Variants in CIITA observed in about 807,000 individuals in gnomAD.
CIITA encodes class II major histocompatibility complex transactivator, also known as MHC class II transactivator.
In CIITA, 72 loss-of-function variants were observed where a neutral mutation model predicts 115.1. That is an observed-to-expected ratio of 0.63 (90% CI 0.52 to 0.76). The LOEUF is 0.76. Ranked by LOEUF, CIITA falls within the 30% of genes least tolerant of loss-of-function variation. The pLI, the probability that CIITA is intolerant of heterozygous loss-of-function variation, is 0.00. For synonymous variants in CIITA, 763 were observed against 635.6 expected, an observed-to-expected ratio of 1.20 and a Z score of -3.02; for missense variants, 1,617 against 1,463.8, an observed-to-expected ratio of 1.10 and a Z score of -1.71.
At position 10,929,572 on chromosome 16, in the gene CIITA, A is replaced by G. The variant is rs1326363939; in HGVS notation, c.*5717A>G. 2 of 985,152 alleles carry G rather than the reference A, an allele frequency of 2.0e-6. No homozygotes were observed. The highest frequency in any genetic ancestry group is 6.2e-5 in the Admixed American group (1 of 16,228). The allele number at this position is 985,152 out of a possible 1,614,324, so 61.0% of individuals were successfully genotyped here. A position where few individuals can be genotyped will look rare whatever the true frequency, so the allele number is the denominator to read the frequency against. On this transcript the variant is annotated 3_prime_UTR_variant, in exon 20 of 20. Transcript: ENST00000324288. This position sits in a 1 kb window ranked among gnomAD's most constrained non-coding sequence, Gnocchi z 4.3. Reference sequence around the variant, plus strand: ...GAGGGGAGCAGGTCTAACAAGAAGGAAAAAGGGGGGTTATTAGCACGGAAG... The same window carrying G: ...GAGGGGAGCAGGTCTAACAAGAAGGGAAAAGGGGGGTTATTAGCACGGAAG...
At chr16:10,902,923 TC>T in intron 8 of CIITA, 122 bp downstream of exon 8, 1 of 1,176,952 alleles carries the variant, frequency 8.5e-7, no homozygotes, top group Non-Finnish European at 1.2e-6. Flanking sequence ...TGATCCTCCC[TC>T]CCCAGCACAA....
chr16:10,916,802 G>A (rs6498133), intron 15 of CIITA: 405,452 of 409,420 alleles, frequency 0.99, 200,911 homozygotes, highest in East Asian at 1. Context: ...TCATCCAACC[G>A]CTCACTCAAT....
At chr16:10,891,512 T>C (rs990834452) in intron 1 of CIITA, among the ~76,000 whole-genome samples, 11 of 152,348 alleles carry the variant, frequency 7.2e-5, no homozygotes, top group Admixed American at 2.0e-4. Context: ...TTTATAGATA[T>C]GGCCCAAAGT....
At position 10,901,177 on chromosome 16, in the gene CIITA, T is replaced by C. The variant is rs1208238123; in HGVS notation, c.437-337T>C. 6.6e-6 allele frequency among the ~76,000 whole-genome samples: 1 copy of C among 152,224 alleles called. No homozygotes were observed. The highest frequency in any genetic ancestry group is 1.5e-5 in the Non-Finnish European group (1 of 68,040). On this transcript the variant is annotated intron_variant, in intron 5 of 19. Transcript: ENST00000324288. This position sits in a 1 kb window ranked among gnomAD's most constrained non-coding sequence, Gnocchi z 6.8. ...ATTTCATAGATGTGAGATCAAAGGT[T>C]CAGAGAAGCTGCATTGCAAAGGCAC... is the stretch of plus-strand genomic sequence containing the variant.
intron 13 of CIITA, among the ~76,000 whole-genome samples, chr16:10,914,678 A>G (rs957984072): frequency 1.3e-5 from 2 of 152,136 alleles, no homozygotes; most frequent in African/African-American, 4.8e-5. Context: ...AGGCTGTGTG[A>G]CCCTGTGTGA....
Position 10,935,864 on chromosome 16 carries a change from G to C in CIITA, c.*12009G>C, listed in dbSNP as rs2081075079. 1 of 152,212 alleles carries C rather than the reference G, an allele frequency of 6.6e-6. No homozygotes were observed. The highest frequency in any genetic ancestry group is 2.4e-5 in the African/African-American group (1 of 41,450). 9.4% of individuals were successfully genotyped at this position (152,212 alleles called of 1,614,324 possible). A position where few individuals can be genotyped will look rare whatever the true frequency, so the allele number is the denominator to read the frequency against. ...CTTAATATGTCAATGTCACAAGAGA[G>C]AAAGACAGACTGAAGAGCTGATCCA... On this transcript the variant is annotated 3_prime_UTR_variant, in exon 20 of 20. Transcript: ENST00000324288.
intron 15 of CIITA, chr16:10,916,741 C>A: frequency 2.0e-6 from 1 of 489,456 alleles, no homozygotes; most frequent in Non-Finnish European, 3.8e-6. Flanking sequence ...GCCATTCATC[C>A]TTCCATTCAA....
intron 14 of CIITA, among the ~76,000 whole-genome samples, 157 bp from the exon 15 acceptor site, chr16:10,916,210 G>T (rs189880076): frequency 6.6e-6 from 1 of 152,158 alleles, no homozygotes; most frequent in Admixed American, 6.5e-5. Flanking sequence ...TGAAGTCCTC[G>T]TCTGAAAAGC....
At chr16:10,903,165 TCA>T (rs1444728901) in intron 8 of CIITA, among the ~76,000 whole-genome samples, 4 of 152,250 alleles carry the variant, frequency 2.6e-5, no homozygotes, top group African/African-American at 9.6e-5. Flanking sequence ...ACTGTCTCTC[TCA>T]CTCTTTTAGT....
rs1357396457 is a variant in CIITA at position 10,920,768 on chromosome 16, G to A, written c.3150-1399G>A. Reference sequence around the variant, plus strand: ...GGAGGAAGGGTCTCCAGGGTTCAGAGATTGCAAAACCCCCATCTAGTTTCT... The same window carrying A: ...GGAGGAAGGGTCTCCAGGGTTCAGAAATTGCAAAACCCCCATCTAGTTTCT... On this transcript the variant is annotated intron_variant, in intron 16 of 19. Coordinates refer to ENST00000324288, the MANE Select transcript of CIITA (RefSeq NM_000246.4). The surrounding 1 kb of genome is among the most constrained non-coding windows in gnomAD (Gnocchi z 4.5). 1.3e-5 allele frequency among the ~76,000 whole-genome samples: 2 copies of A among 152,222 alleles called. No individual in the cohort carries two copies. The highest frequency in any genetic ancestry group is 2.9e-5 in the Non-Finnish European group (2 of 68,042).
At chr16:10,904,937 A>G (rs2039036750) in intron 10 of CIITA, 125 bp downstream of exon 10, 2 of 830,176 alleles carry the variant, frequency 2.4e-6, no homozygotes, top group African/African-American at 1.9e-5. Context: ...TCATTTATTT[A>G]TTCATTCATT....
chr16:10,873,462 ATAGT>A (rs1567350106), upstream of CIITA, among the ~76,000 whole-genome samples: 1 of 152,236 alleles, frequency 6.6e-6, no homozygotes, highest in Non-Finnish European at 1.5e-5. Context: ...CAAGAAAATT[ATAGT>A]TAGCTGGAAG....
intron 1 of CIITA, among the ~76,000 whole-genome samples, chr16:10,885,040 A>G (rs1429127416): frequency 6.6e-6 from 1 of 152,082 alleles, no homozygotes; most frequent in Non-Finnish European, 1.5e-5. Context: ...ATAATGATGT[A>G]AAATGTGTCC....
chr16:10,916,577 G>C (rs979066924), intron 15 of CIITA, 118 bp downstream of exon 15: 3 of 853,428 alleles, frequency 3.5e-6, no homozygotes, highest in Admixed American at 4.0e-5. Context: ...ACCCAGGCTA[G>C]AATATAGTGC....
chr16:10,904,415 T>G (rs1445223837), intron 9 of CIITA, among the ~76,000 whole-genome samples: 2 of 152,078 alleles, frequency 1.3e-5, no homozygotes, highest in East Asian at 3.9e-4. Flanking sequence ...AGAGACAAGT[T>G]TAACCATGTT....
intron 13 of CIITA, among the ~76,000 whole-genome samples, chr16:10,914,763 G>A (rs1414860872): frequency 6.6e-6 from 1 of 152,188 alleles, no homozygotes; most frequent in African/African-American, 2.4e-5. Context: ...AGAGTCTTGA[G>A]GAGTAAATGA....
At chr16:10,869,815 C>T (rs1185022195) in intron 1 of CIITA, among the ~76,000 whole-genome samples, 1 of 152,124 alleles carries the variant, frequency 6.6e-6, no homozygotes, top group Non-Finnish European at 1.5e-5. Context: ...GGCTCCCCAC[C>T]TTCTGTATAT....
chr16:10,886,057 C>CT (rs71133402), intron 1 of CIITA, among the ~76,000 whole-genome samples: 107,241 of 132,194 alleles, frequency 0.81, 48,440 homozygotes, highest in Non-Finnish European at 0.99. Flanking sequence ...CATGTTTTGC[C>CT]TTTTTTTTTT....
In CIITA at chr16:10,901,730, C is replaced by T. The variant is rs564473273; in HGVS notation, c.481+172C>T. The T allele has an allele frequency of 1.5e-5, 11 of 722,848 alleles. No homozygotes were observed. Among genetic ancestry groups the T allele is most frequent in the African/African-American group, 5.3e-5 (3 of 56,678 alleles). 44.8% of individuals were successfully genotyped at this position (722,848 alleles called of 1,614,324 possible). On this transcript the variant is annotated intron_variant, in intron 6 of 19. Coordinates refer to ENST00000324288, the MANE Select transcript of CIITA (RefSeq NM_000246.4). The surrounding 1 kb of genome is among the most constrained non-coding windows in gnomAD (Gnocchi z 6.8). ...CCCTTAGAGTCCTCTAAGGGGCTCA[C>T]GACTGTTTGTGGAAGGTGGTAGGGG...
Sources: gnomAD v4.1 joint callset for allele counts (sites outside exome capture counted in the v4.1 genomes callset) on GRCh38, gnomAD v4.1.1 for gene constraint, Gnocchi (gnomAD v3.1) non-coding constraint, MANE v1.5 for transcripts, NCBI Gene and HGNC (gene_info 2026-07-23, HGNC 2026-07-21) for gene names.